The following FOCAD variants were observed in gnomAD, a reference collection of about 807,000 sequenced individuals.
FOCAD encodes the protein focadhesin.
A neutral mutation model predicts 225.6 loss-of-function variants in FOCAD; 198 were observed. The observed-to-expected ratio is 0.88, with a 90% CI of 0.78 to 0.99. The LOEUF (loss-of-function observed/expected upper bound fraction) is 0.99. Ranked by LOEUF, FOCAD falls within the 50% of genes least tolerant of loss-of-function variation. The pLI, the probability that FOCAD is intolerant of heterozygous loss-of-function variation, is 0.00. For synonymous variants in FOCAD, 897 were observed against 755.0 expected, an observed-to-expected ratio of 1.19 and a Z score of -3.08; for missense variants, 2,713 against 2,123.6, an observed-to-expected ratio of 1.28 and a Z score of -5.46.
At chr9:20,738,434 A>T (rs1032816945) in intron 4 of FOCAD, among the ~76,000 whole-genome samples, 4 of 152,226 alleles carry the variant, frequency 2.6e-5, no homozygotes, top group African/African-American at 9.6e-5. Context: ...GAGCAAGCCA[A>T]ATCTTGATTT....
At chr9:20,662,682 A>G (rs905451572) in intron 2 of FOCAD, among the ~76,000 whole-genome samples, 4 of 151,922 alleles carry the variant, frequency 2.6e-5, no homozygotes, top group Admixed American at 6.6e-5. Flanking sequence ...CTGGTCTTGA[A>G]CACCTGGGCT....
chr9:20,825,723 A>G (rs556585950), intron 15 of FOCAD, among the ~76,000 whole-genome samples: 3 of 152,228 alleles, frequency 2.0e-5, no homozygotes, highest in African/African-American at 7.2e-5. Context: ...CTTGAAAGTT[A>G]TAATCATGAA....
intron 11 of FOCAD, among the ~76,000 whole-genome samples, chr9:20,815,137 G>GTTTTT (rs71334555): frequency 2.9e-5 from 2 of 69,116 alleles, no homozygotes; most frequent in Non-Finnish European, 5.1e-5. Context: ...TTTTTTTTTT[G>GTTTTT]TTTTTTTTTT....
At chr9:20,881,193 G>A (rs1252204417) in intron 19 of FOCAD, among the ~76,000 whole-genome samples, 1 of 152,200 alleles carries the variant, frequency 6.6e-6, no homozygotes, top group Admixed American at 6.5e-5. Context: ...GAAAATGTGG[G>A]ACTGATATGT....
At chr9:20,792,028 T>C (rs1006286121) in intron 11 of FOCAD, among the ~76,000 whole-genome samples, 1 of 152,214 alleles carries the variant, frequency 6.6e-6, no homozygotes, top group Non-Finnish European at 1.5e-5. Context: ...GAAGTCTCTG[T>C]CTGGTAGCCT....
At chr9:20,985,117 C>A (rs1251341703) in intron 39 of FOCAD, among the ~76,000 whole-genome samples, 1 of 152,156 alleles carries the variant, frequency 6.6e-6, no homozygotes, top group African/African-American at 2.4e-5. Context: ...CTTGTAGTTC[C>A]TTAAAGGTTA....
intron 1 of FOCAD, among the ~76,000 whole-genome samples, chr9:20,710,260 A>C (rs532408210): frequency 7.5e-6 from 1 of 133,476 alleles, no homozygotes; most frequent in South Asian, 2.3e-4. Context: ...TTTGCTGAAT[A>C]ACATGTTACA....
At position 20,904,482 on chromosome 9, in the gene FOCAD, T is replaced by C. The variant is rs1042534405; in HGVS notation, c.2626-2668T>C. 3.3e-5 allele frequency among the ~76,000 whole-genome samples: 5 copies of C among 152,086 alleles called. No homozygotes were observed. The South Asian group carries it at 1.0e-3, about 32-fold the overall frequency. The stretch of plus-strand genomic sequence containing the variant: ...CACCCTATTTAACCCTGTAACCTTC[T>C]CGCATCCCTGCCCTCACCTCATTAG... On this transcript the variant is annotated intron_variant, in intron 21 of 43. Transcript: ENST00000338382.
At chr9:20,922,820 G>A (rs1834571885) in intron 24 of FOCAD, among the ~76,000 whole-genome samples, 1 of 152,178 alleles carries the variant, frequency 6.6e-6, no homozygotes, top group African/African-American at 2.4e-5. Flanking sequence ...AAACGAATTG[G>A]CAAACCTAGA....
chr9:20,904,507 G>A (rs12164259), intron 21 of FOCAD, among the ~76,000 whole-genome samples: 368 of 151,904 alleles, frequency 2.4e-3, no homozygotes, highest in Middle Eastern at 0.01. Flanking sequence ...CACCTCATTA[G>A]CATTCTTCCC....
intron 24 of FOCAD, among the ~76,000 whole-genome samples, chr9:20,923,314 A>G (rs1287117424): frequency 6.6e-6 from 1 of 152,202 alleles, no homozygotes; most frequent in African/African-American, 2.4e-5. Flanking sequence ...CAACAAATCA[A>G]TAATTTTAAA....
intron 19 of FOCAD, among the ~76,000 whole-genome samples, chr9:20,877,869 C>G (rs1830356243): frequency 6.6e-6 from 1 of 152,112 alleles, no homozygotes. Flanking sequence ...CATTGCACCA[C>G]TGCACTCCAG....
intron 5 of FOCAD, among the ~76,000 whole-genome samples, chr9:20,746,645 G>A (rs1828059987): frequency 6.6e-6 from 1 of 152,160 alleles, no homozygotes; most frequent in South Asian, 2.1e-4. Context: ...AAACATTCAA[G>A]AGTGTGTTTT....
chr9:20,712,157 C>T (rs1198912641), intron 1 of FOCAD, among the ~76,000 whole-genome samples: 2 of 151,840 alleles, frequency 1.3e-5, no homozygotes, highest in East Asian at 1.9e-4. Context: ...CGACTTTCTA[C>T]GAGACATTTC....
At chr9:20,718,532 G>A (rs1311392694) in intron 3 of FOCAD, among the ~76,000 whole-genome samples, 4 of 152,068 alleles carry the variant, frequency 2.6e-5, no homozygotes, top group Admixed American at 2.6e-4. Flanking sequence ...GAAATAAATT[G>A]ATTTCCTTTG....
chr9:20,976,976 G>A (rs1424919267), intron 36 of FOCAD, among the ~76,000 whole-genome samples: 2 of 152,146 alleles, frequency 1.3e-5, no homozygotes, highest in Non-Finnish European at 2.9e-5. Flanking sequence ...CATGTCCATA[G>A]GCCAGAAGTC....
chr9:20,665,992 T>A (rs1392399454), intron 2 of FOCAD, among the ~76,000 whole-genome samples: 1 of 152,112 alleles, frequency 6.6e-6, no homozygotes, highest in African/African-American at 2.4e-5. Flanking sequence ...CCTTCCAGGT[T>A]CAAGTGATTC....
chr9:20,676,288 A>G (rs1822232506), intron 2 of FOCAD, among the ~76,000 whole-genome samples: 2 of 152,320 alleles, frequency 1.3e-5, no homozygotes, highest in East Asian at 1.9e-4. Flanking sequence ...TAGAAGCTGA[A>G]TATCCCGATT....
intron 1 of FOCAD, among the ~76,000 whole-genome samples, chr9:20,692,596 C>T (rs915409915): frequency 1.8e-4 from 27 of 152,164 alleles, no homozygotes; most frequent in African/African-American, 5.8e-4. Context: ...TGGTCTTGCC[C>T]GTGCTCACTC....
Sources: allele counts gnomAD v4.1 joint callset (sites outside exome capture counted in the v4.1 genomes callset), GRCh38; gene constraint gnomAD v4.1.1; transcripts MANE v1.5; gene names NCBI Gene and HGNC (gene_info 2026-07-23, HGNC 2026-07-21).